Variants in SCN7A observed in about 807,000 individuals in gnomAD.
SCN7A encodes sodium voltage-gated channel alpha subunit 7.
A neutral mutation model predicts 155.2 loss-of-function variants in SCN7A; 138 were observed. The observed-to-expected ratio is 0.89, with a 90% CI of 0.77 to 1.02. SCN7A has a LOEUF of 1.02. SCN7A is among the 50% of genes least tolerant of loss of function. The pLI is 0.00. For missense variants in SCN7A, 2,058 were observed against 1,986.6 expected (o/e 1.04, Z -0.68); for synonymous variants, 693 against 649.0 (o/e 1.07, Z -1.03).
chr2:166,491,104 A>C (rs1683091620), intron 1 of SCN7A, among the ~76,000 whole-genome samples: 1 of 152,200 alleles, frequency 6.6e-6, no homozygotes. Context: ...CTTAGCATTT[A>C]AAATAGGAAA....
At chr2:166,449,861 C>T (rs986728351) in intron 11 of SCN7A, among the ~76,000 whole-genome samples, 1 of 152,158 alleles carries the variant, frequency 6.6e-6, no homozygotes, top group African/African-American at 2.4e-5. Flanking sequence ...TGCTTGTACA[C>T]TGCTAGTGGG....
intron 15 of SCN7A, chr2:166,436,242 C>T (rs895396219): frequency 4.1e-4 from 84 of 205,336 alleles, no homozygotes; most frequent in African/African-American, 1.9e-3. Flanking sequence ...GGGAGGGAAT[C>T]GGTGGGAGGT....
In SCN7A at chr2:166,441,528, G is replaced by T; in HGVS notation, c.2025C>A (p.Phe675Leu). ...TTCGGAACACATTCAGGAAGGAGTG[G>T]AAAAAGTCATGCATGTGCCAGCGTG... is the stretch of plus-strand genomic sequence containing the variant. ...QLPRWHMHDF[F>L]HSFLNVFRIL... Residue 675 changes from phenylalanine to leucine, a missense_variant, in exon 15 of 26, where the codon TTC becomes TTA. Physicochemically the swap from Phe to Leu is conservative, Grantham distance 22. Coordinates refer to ENST00000643258, the MANE Select transcript of SCN7A (RefSeq NM_002976.4). The T allele has an allele frequency of 1.2e-6, 2 of 1,614,046 alleles. No homozygotes were observed. The highest frequency in any genetic ancestry group is 1.7e-6 in the Non-Finnish European group (2 of 1,179,972).
Position 166,424,351 on chromosome 2 carries a change from T to C in SCN7A, c.2854-919A>G, listed in dbSNP as rs1701575931. Among the ~76,000 whole-genome samples, 3 of 152,026 alleles carry C rather than the reference T, an allele frequency of 2.0e-5. 1 individual carries two copies. The South Asian group carries it at 6.2e-4, about 32-fold the overall frequency. The stretch of plus-strand genomic sequence containing the variant: ...TCAATTAGCATGGGTAGAGTAGATT[T>C]TACCAGACCAATGATCCTGCTGCAA... On this transcript the variant is annotated intron_variant, in intron 18 of 25. Coordinates refer to ENST00000643258, the MANE Select transcript of SCN7A (RefSeq NM_002976.4).
rs6707404 is a variant in SCN7A, at chr2:166,432,008, T to C, written c.2592+310A>G. On this transcript the variant is annotated intron_variant, in intron 16 of 25. Transcript: ENST00000643258. ...TGCCTGGTTATTAATTTATAGAATG[T>C]CACAATTATATCATCTAATGTTTCC... Among the ~76,000 whole-genome samples the C allele has an allele frequency of 8.8e-3, 1,337 of 152,214 alleles. 25 individuals carry two copies. Among genetic ancestry groups the C allele is most frequent in the African/African-American group, 0.03 (1,254 of 41,532 alleles).
chr2:166,479,978 A>G (rs1445269240), intron 2 of SCN7A, among the ~76,000 whole-genome samples: 1 of 152,208 alleles, frequency 6.6e-6, no homozygotes, highest in Non-Finnish European at 1.5e-5. Context: ...CAAATATCTG[A>G]GACATTACAA....
chr2:166,475,855 A>T (rs1254648366), intron 3 of SCN7A, among the ~76,000 whole-genome samples: 1 of 152,004 alleles, frequency 6.6e-6, no homozygotes, highest in African/African-American at 2.4e-5. Flanking sequence ...CTATCCGTGC[A>T]GTTCTTGCTC....
chr2:166,431,289 T>C (rs953944936), intron 16 of SCN7A, among the ~76,000 whole-genome samples: 3 of 152,108 alleles, frequency 2.0e-5, no homozygotes, highest in African/African-American at 7.2e-5. Context: ...TAAAAATGTC[T>C]CTCTAACTAA....
At chr2:166,414,689 TAG>T (rs1368428758) in intron 21 of SCN7A, 1 of 139,982 alleles carries the variant, frequency 7.1e-6, no homozygotes, top group Non-Finnish European at 1.5e-5. Context: ...GGAATAGACA[TAG>T]ATACACGAGC....
intron 20 of SCN7A, among the ~76,000 whole-genome samples, chr2:166,417,595 A>AAT (rs10552479): frequency 5.9e-4 from 88 of 149,196 alleles, no homozygotes; most frequent in South Asian, 1.1e-3. Flanking sequence ...TTGCTGGCTT[A>AAT]ATATATATAT....
In SCN7A at chr2:166,406,643, A is replaced by T. The variant is rs1231094318; in HGVS notation, c.3986T>A (p.Leu1329Gln). The T allele has an allele frequency of 6.3e-7, 1 of 1,593,900 alleles. No individual in the cohort carries two copies. Among genetic ancestry groups the T allele is most frequent in the Non-Finnish European group, 8.6e-7 (1 of 1,169,092 alleles). The change falls in exon 26 of 26, where the codon CTA (leucine) becomes CAA (glutamine). Residue 1329 changes from leucine (L) to glutamine (Q), a missense_variant. By Grantham distance (113) the Leu-to-Gln change is moderately radical. Coordinates refer to ENST00000643258, the MANE Select transcript of SCN7A (RefSeq NM_002976.4). ...GGATCCTACTGTCATAGGCAGACAT[A>T]GTCCTGGGGGTGGGAAAGATAAAGC... ...FMVVIFSITG[L>Q]CLPMTVGSYL...
chr2:166,430,997 C>A (rs1404064441), intron 16 of SCN7A, among the ~76,000 whole-genome samples: 2 of 151,906 alleles, frequency 1.3e-5, no homozygotes, highest in East Asian at 3.9e-4. Context: ...AATAACTATG[C>A]AGCATAAATA....
At chr2:166,481,303 A>C (rs190243121) in intron 2 of SCN7A, among the ~76,000 whole-genome samples, 57 of 152,322 alleles carry the variant, frequency 3.7e-4, no homozygotes, top group Non-Finnish European at 7.4e-4. Context: ...ATAAATCAAA[A>C]TAATATGAGT....
chr2:166,407,887 A>G (rs1015282980), intron 25 of SCN7A, among the ~76,000 whole-genome samples: 4 of 151,798 alleles, frequency 2.6e-5, no homozygotes, highest in Admixed American at 2.0e-4. Flanking sequence ...CCACCCTCCA[A>G]CAAGCCCTGG....
At chr2:166,425,659 C>T (rs2105398953) in intron 18 of SCN7A, among the ~76,000 whole-genome samples, 1 of 152,142 alleles carries the variant, frequency 6.6e-6, no homozygotes, top group East Asian at 1.9e-4. Flanking sequence ...AAGGATGACA[C>T]CCGAATCTCT....
At chr2:166,418,938 G>T (rs1701449192) in intron 20 of SCN7A, among the ~76,000 whole-genome samples, 1 of 152,094 alleles carries the variant, frequency 6.6e-6, no homozygotes, top group Non-Finnish European at 1.5e-5. Flanking sequence ...GAGGCTTCAG[G>T]TCTGAACCTG....
At chr2:166,426,517 TAAGA>T (rs1276243586) in intron 18 of SCN7A, among the ~76,000 whole-genome samples, 1 of 152,168 alleles carries the variant, frequency 6.6e-6, no homozygotes, top group East Asian at 1.9e-4. Flanking sequence ...AGTCAACTAG[TAAGA>T]AAGAAAGAAG....
At chr2:166,410,618 A>T (rs751969219) in intron 23 of SCN7A, among the ~76,000 whole-genome samples, 1 of 152,044 alleles carries the variant, frequency 6.6e-6, no homozygotes, top group Non-Finnish European at 1.5e-5. Context: ...CAAAGGAGAA[A>T]CAGCAGGGGA....
intron 15 of SCN7A, among the ~76,000 whole-genome samples, chr2:166,439,046 T>TGG: frequency 1.2e-5 from 1 of 86,410 alleles, no homozygotes; most frequent in African/African-American, 5.1e-5. Flanking sequence ...CATATATGTG[T>TGG]GTGTGTGTGT....
Sources: gnomAD v4.1 joint callset for allele counts (sites outside exome capture counted in the v4.1 genomes callset) on GRCh38, gnomAD v4.1.1 for gene constraint, MANE v1.5 for transcripts, NCBI Gene and HGNC (gene_info 2026-07-23, HGNC 2026-07-21) for gene names.